DLGAP2: variants seen among roughly 807,000 people sequenced by gnomAD.
The protein encoded by DLGAP2 is DLG associated protein 2.
Under a neutral mutation model 100.3 loss-of-function variants are expected in DLGAP2, and 26 were observed. The ratio of observed to expected loss-of-function variants is 0.26; its 90% confidence interval spans 0.19 to 0.36. The LOEUF is 0.36. Among genes scored for constraint, DLGAP2 ranks in the 10% least tolerant of loss-of-function variants. The pLI is 1.00. For synonymous variants in DLGAP2, 886 were observed against 630.1 expected (o/e 1.41, Z -6.08); for missense variants, 1,858 against 1,453.2 (o/e 1.28, Z -4.53).
intron 2 of DLGAP2, among the ~76,000 whole-genome samples, chr8:1,220,789 T>C (rs886795505): frequency 6.6e-6 from 1 of 152,244 alleles, no homozygotes; most frequent in Non-Finnish European, 1.5e-5. Context: ...TACTCTAGCA[T>C]TGGGTGCCTA....
At chr8:1,109,025 G>T (rs1465811193) in intron 2 of DLGAP2, among the ~76,000 whole-genome samples, 2 of 141,410 alleles carry the variant, frequency 1.4e-5, no homozygotes, top group African/African-American at 2.7e-5. Flanking sequence ...TGTGAGGTGT[G>T]AATGTGTCTA....
At chr8:996,757 C>A (rs1800795410) in intron 2 of DLGAP2, among the ~76,000 whole-genome samples, 1 of 152,142 alleles carries the variant, frequency 6.6e-6, no homozygotes, top group African/African-American at 2.4e-5. Flanking sequence ...TGATTGCTGG[C>A]CTAGTTGAAG....
chr8:798,763 G>T lies in DLGAP2; in HGVS notation c.18+60938G>T, dbSNP rs560455895. On this transcript the variant is annotated intron_variant, in intron 1 of 14. Transcript: ENST00000637795. ...CTGTTGGCACTGAAAGCAAACGCTT[G>T]TTGAGTCAGGACCTGCAGCCCCGTG... Among the ~76,000 whole-genome samples, 136 of 145,636 alleles carry T rather than the reference G, an allele frequency of 9.3e-4. 1 individual carries two copies. The highest frequency in any genetic ancestry group is 3.4e-3 in the African/African-American group (132 of 38,614).
intron 2 of DLGAP2, among the ~76,000 whole-genome samples, chr8:1,134,297 C>A (rs191103963): frequency 2.0e-5 from 3 of 152,140 alleles, no homozygotes; most frequent in African/African-American, 4.8e-5. Context: ...CTGCAATGAA[C>A]GTGCATGTGT....
chr8:968,385 C>G (rs1799932261), intron 2 of DLGAP2, among the ~76,000 whole-genome samples: 1 of 152,130 alleles, frequency 6.6e-6, no homozygotes, highest in Non-Finnish European at 1.5e-5. Flanking sequence ...GCTGAAGTGA[C>G]TTATGGGGGC....
intron 2 of DLGAP2, among the ~76,000 whole-genome samples, chr8:955,309 A>G (rs900383399): frequency 7.9e-5 from 12 of 152,016 alleles, no homozygotes; most frequent in Admixed American, 1.3e-4. Context: ...TTTTCATAGT[A>G]TCCCCCTTAC....
intron 2 of DLGAP2, chr8:1,018,845 A>G (rs974072797): frequency 6.6e-6 from 1 of 152,234 alleles, no homozygotes; most frequent in Non-Finnish European, 1.5e-5. Flanking sequence ...CTTAATTTGC[A>G]TGAATCGATT....
chr8:1,036,946 G>A lies in DLGAP2; in HGVS notation c.73+128980G>A, dbSNP rs780687215. ...CCTCCCGGCACAGTTCCTAAAGTCC[G>A]TGCTCCTGGTTTCCTTCTCCTGATG... On this transcript the variant is annotated intron_variant, in intron 2 of 14. Coordinates refer to ENST00000637795, the MANE Select transcript of DLGAP2 (RefSeq NM_001346810.2). Among the ~76,000 whole-genome samples, 23 of 151,782 alleles carry A rather than the reference G, an allele frequency of 1.5e-4. No homozygotes were observed. In the East Asian group the frequency reaches 1.6e-3, roughly 10 times the overall value.
At chr8:752,829 C>T (rs751024400) in intron 1 of DLGAP2, among the ~76,000 whole-genome samples, 16 of 152,076 alleles carry the variant, frequency 1.1e-4, no homozygotes, top group African/African-American at 1.7e-4. Flanking sequence ...CACTGCACGT[C>T]GGGCTCAGAG....
chr8:1,136,416 A>G (rs1211716304), intron 2 of DLGAP2, among the ~76,000 whole-genome samples: 1 of 152,210 alleles, frequency 6.6e-6, no homozygotes, highest in Non-Finnish European at 1.5e-5. Flanking sequence ...GCTTCCCTGC[A>G]GCAGCAGATC....
chr8:1,263,136 A>T (rs1436994371), intron 3 of DLGAP2, among the ~76,000 whole-genome samples: 1 of 152,218 alleles, frequency 6.6e-6, no homozygotes, highest in African/African-American at 2.4e-5. Context: ...AAATGTTGGG[A>T]TACGTTGACA....
At chr8:815,720 T>C (rs1487918767) in intron 1 of DLGAP2, among the ~76,000 whole-genome samples, 4 of 152,284 alleles carry the variant, frequency 2.6e-5, no homozygotes, top group Non-Finnish European at 5.9e-5. Flanking sequence ...GCCTATCGTT[T>C]GATATTGAGG....
At chr8:926,986 C>A (rs1798830179) in intron 2 of DLGAP2, 2 of 978,100 alleles carry the variant, frequency 2.0e-6, no homozygotes, top group Non-Finnish European at 1.2e-6. Context: ...CCAGGAAAAG[C>A]CGGGGCCAGA....
intron 2 of DLGAP2, among the ~76,000 whole-genome samples, chr8:1,200,305 G>A (rs948332494): frequency 9.9e-5 from 15 of 152,166 alleles, no homozygotes; most frequent in Admixed American, 7.8e-4. Flanking sequence ...GGGGTCCTGC[G>A]TGTTCTTTTC....
intron 6 of DLGAP2, among the ~76,000 whole-genome samples, chr8:1,614,421 A>C (rs1191924319): frequency 1.3e-5 from 2 of 152,200 alleles, no homozygotes; most frequent in Non-Finnish European, 2.9e-5. Context: ...AGGGGTGCCG[A>C]GGTTGGAATA....
chr8:1,592,696 T>G (rs1360048319), intron 6 of DLGAP2, among the ~76,000 whole-genome samples: 1 of 152,168 alleles, frequency 6.6e-6, no homozygotes, highest in Non-Finnish European at 1.5e-5. Flanking sequence ...AATGCAGTGA[T>G]AGTTATTTTT....
At chr8:1,433,948 C>A (rs528871794) in intron 3 of DLGAP2, among the ~76,000 whole-genome samples, 2 of 152,104 alleles carry the variant, frequency 1.3e-5, no homozygotes, top group African/African-American at 2.4e-5. Context: ...TCTTTGCAAA[C>A]CACAAGCCAA....
chr8:869,690 G>A (rs752501977), intron 1 of DLGAP2, among the ~76,000 whole-genome samples: 13 of 152,220 alleles, frequency 8.5e-5, no homozygotes, highest in Non-Finnish European at 1.5e-4. Context: ...GTTTTGAACC[G>A]TAGTTGGAAC....
intron 3 of DLGAP2, among the ~76,000 whole-genome samples, chr8:1,303,415 A>G (rs902445641): frequency 2.0e-5 from 3 of 150,888 alleles, no homozygotes; most frequent in African/African-American, 7.3e-5. Context: ...AAAAAAAAAA[A>G]AAAAAAAAAA....
Sources: allele counts gnomAD v4.1 joint callset (sites outside exome capture counted in the v4.1 genomes callset), GRCh38; gene constraint gnomAD v4.1.1; transcripts MANE v1.5; gene names NCBI Gene and HGNC (gene_info 2026-07-23, HGNC 2026-07-21).